Variants in CTNNA3 observed in about 807,000 individuals in gnomAD.
CTNNA3 encodes the protein catenin alpha-3.
Under a neutral mutation model 95.7 loss-of-function variants are expected in CTNNA3, and 76 were observed. That is an observed-to-expected ratio of 0.79 (90% CI 0.66 to 0.96). CTNNA3 has a LOEUF of 0.96. CTNNA3 is among the 40% of genes least tolerant of loss of function. CTNNA3 has a pLI of 0.00. For missense variants in CTNNA3, 1,191 were observed against 1,089.8 expected (o/e 1.09, Z -1.31); for synonymous variants, 431 against 374.4 (o/e 1.15, Z -1.74).
chr10:66,710,149 G>A (rs1258953918), intron 9 of CTNNA3, among the ~76,000 whole-genome samples: 1 of 152,126 alleles, frequency 6.6e-6, no homozygotes, highest in African/African-American at 2.4e-5. Context: ...ATGAAAAGAT[G>A]TGTTTAGGGC....
intron 5 of CTNNA3, among the ~76,000 whole-genome samples, chr10:67,369,485 G>GA (rs1843337464): frequency 1.3e-5 from 2 of 151,888 alleles, no homozygotes; most frequent in African/African-American, 2.4e-5. Context: ...GTCAATAAAA[G>GA]AAAAAAATGT....
chr10:67,114,709 GGTGTGTGTGT>G (rs56772381), intron 7 of CTNNA3, among the ~76,000 whole-genome samples: 1,966 of 144,842 alleles, frequency 0.014, 14 homozygotes, highest in Non-Finnish European at 0.021. Context: ...GGTTCTTAAA[GGTGTGTGTGT>G]GTGTGTGTGT....
At chr10:66,902,130 A>G (rs973398575) in intron 7 of CTNNA3, among the ~76,000 whole-genome samples, 2 of 152,194 alleles carry the variant, frequency 1.3e-5, no homozygotes, top group Non-Finnish European at 2.9e-5. Context: ...CATGATTGGA[A>G]GTAAAACACT....
At chr10:66,263,160 T>A (rs771076889) in intron 13 of CTNNA3, among the ~76,000 whole-genome samples, 3 of 151,924 alleles carry the variant, frequency 2.0e-5, no homozygotes, top group Non-Finnish European at 4.4e-5. Flanking sequence ...AAAGCCATCA[T>A]TGGGGGTAAC....
rs192034569 is a variant in CTNNA3 at position 66,544,456 on chromosome 10, T to C, written c.1375-23683A>G. On this transcript the variant is annotated intron_variant, in intron 10 of 17. Coordinates refer to ENST00000433211, the MANE Select transcript of CTNNA3 (RefSeq NM_013266.4). ...TGGTTCATTTCCTATTACCATCGTTTGATGAGGATATAGCCCAAAAACCAA... is the reference window on the plus strand; with the variant it reads ...TGGTTCATTTCCTATTACCATCGTTCGATGAGGATATAGCCCAAAAACCAA... Among the ~76,000 whole-genome samples, 82 of 152,248 alleles carry C rather than the reference T, an allele frequency of 5.4e-4. 1 individual carries two copies. The highest frequency in any genetic ancestry group is 2.0e-3 in the African/African-American group (82 of 41,568).
intron 7 of CTNNA3, among the ~76,000 whole-genome samples, chr10:66,821,545 C>A (rs1842304238): frequency 6.6e-6 from 1 of 152,108 alleles, no homozygotes; most frequent in Non-Finnish European, 1.5e-5. Flanking sequence ...TAATAGAAAA[C>A]CAGCAGCAAC....
chr10:67,078,125 G>GT (rs1287652898), intron 7 of CTNNA3, among the ~76,000 whole-genome samples: 1 of 152,184 alleles, frequency 6.6e-6, no homozygotes, highest in Non-Finnish European at 1.5e-5. Context: ...TCTCTCAGGA[G>GT]TAATAACCTC....
chr10:66,506,921 T>C (rs1295580543), intron 11 of CTNNA3, among the ~76,000 whole-genome samples: 2 of 152,172 alleles, frequency 1.3e-5, no homozygotes, highest in African/African-American at 4.8e-5. Context: ...AATATTTGCA[T>C]AGATACATAC....
At chr10:66,072,926 C>T (rs950224032) in intron 14 of CTNNA3, among the ~76,000 whole-genome samples, 2 of 152,036 alleles carry the variant, frequency 1.3e-5, no homozygotes, top group African/African-American at 4.8e-5. Context: ...TTGTGGAATA[C>T]ATAATGGAAT....
chr10:67,341,363 C>CT (rs909357870), intron 5 of CTNNA3, among the ~76,000 whole-genome samples: 1 of 152,166 alleles, frequency 6.6e-6, no homozygotes, highest in African/African-American at 2.4e-5. Context: ...TTCCCAGCCT[C>CT]TGGTAACCAC....
At chr10:67,462,129 T>C (rs781562059) in intron 5 of CTNNA3, among the ~76,000 whole-genome samples, 5 of 152,208 alleles carry the variant, frequency 3.3e-5, no homozygotes, top group Non-Finnish European at 7.3e-5. Flanking sequence ...ATATCCCTTC[T>C]GGCTTCCACT....
intron 11 of CTNNA3, among the ~76,000 whole-genome samples, chr10:66,391,667 T>C (rs1030102702): frequency 6.6e-6 from 1 of 152,148 alleles, no homozygotes; most frequent in Non-Finnish European, 1.5e-5. Context: ...CTAAAGGCTA[T>C]AGCTTCATTG....
intron 17 of CTNNA3, among the ~76,000 whole-genome samples, chr10:65,930,975 T>C (rs1046557977): frequency 1.3e-5 from 2 of 152,198 alleles, no homozygotes; most frequent in African/African-American, 4.8e-5. Flanking sequence ...AAGAATATGG[T>C]TTTCTGATTT....
At chr10:66,710,218 T>C (rs776331521) in intron 9 of CTNNA3, among the ~76,000 whole-genome samples, 15 of 152,188 alleles carry the variant, frequency 9.9e-5, no homozygotes, top group Non-Finnish European at 1.8e-4. Flanking sequence ...TTCCACTTCT[T>C]TTTCTGCAGG....
At chr10:66,601,363 AC>A in intron 10 of CTNNA3, among the ~76,000 whole-genome samples, 1 of 152,072 alleles carries the variant, frequency 6.6e-6, no homozygotes, top group East Asian at 1.9e-4. Context: ...TGCTATAAGT[AC>A]AGTTATTTTA....
chr10:67,300,657 C>A (rs536985524), intron 5 of CTNNA3, among the ~76,000 whole-genome samples: 1 of 152,334 alleles, frequency 6.6e-6, no homozygotes, highest in South Asian at 2.1e-4. Context: ...ATTAATGCCT[C>A]TCCCAAGTGC....
chr10:66,526,597 G>C (rs182146372), intron 10 of CTNNA3, among the ~76,000 whole-genome samples: 1 of 152,014 alleles, frequency 6.6e-6, no homozygotes, highest in East Asian at 1.9e-4. Flanking sequence ...TCATATCCTG[G>C]CCAAAACTTA....
intron 3 of CTNNA3, among the ~76,000 whole-genome samples, chr10:67,583,824 G>A (rs1842512680): frequency 6.6e-6 from 1 of 152,110 alleles, no homozygotes; most frequent in African/African-American, 2.4e-5. Context: ...TTCAATCGCT[G>A]ATACCCTTTC....
intron 9 of CTNNA3, among the ~76,000 whole-genome samples, chr10:66,643,343 C>A (rs573409582): frequency 4.6e-5 from 7 of 152,178 alleles, no homozygotes; most frequent in African/African-American, 1.7e-4. Flanking sequence ...AACTGAAGAC[C>A]ATGTTTGTGA....
Sources: allele counts gnomAD v4.1 joint callset (sites outside exome capture counted in the v4.1 genomes callset), GRCh38; gene constraint gnomAD v4.1.1; transcripts MANE v1.5; gene names NCBI Gene and HGNC (gene_info 2026-07-23, HGNC 2026-07-21).